CACNA2D1: variants seen among roughly 807,000 people sequenced by gnomAD.
CACNA2D1 encodes the protein calcium voltage-gated channel auxiliary subunit alpha2delta 1, also known as voltage-dependent calcium channel subunit alpha-2/delta-1.
In CACNA2D1, 53 loss-of-function variants were observed where a neutral mutation model predicts 171.5. The ratio of observed to expected loss-of-function variants is 0.31; its 90% CI spans 0.25 to 0.39. The LOEUF is 0.39. CACNA2D1 is among the 10% of genes least tolerant of loss of function. CACNA2D1 has a pLI of 1.00. For missense variants in CACNA2D1, 903 were observed against 1,299.8 expected, an observed-to-expected ratio of 0.69 and a Z score of 4.69; for synonymous variants, 442 against 443.1, an observed-to-expected ratio of 1.00 and a Z score of 0.03.
chr7:82,044,145 A>T (rs1804270610), intron 10 of CACNA2D1, among the ~76,000 whole-genome samples: 1 of 152,074 alleles, frequency 6.6e-6, no homozygotes, highest in African/African-American at 2.4e-5. Flanking sequence ...TTGGCCTCCC[A>T]AGCAGCTGGA....
chr7:82,105,945 ATGATACTC>A (rs1370328172), intron 6 of CACNA2D1, among the ~76,000 whole-genome samples: 2 of 152,190 alleles, frequency 1.3e-5, no homozygotes, highest in Non-Finnish European at 2.9e-5. Context: ...GTACTATTTT[ATGATACTC>A]TATAACTCAG....
intron 3 of CACNA2D1, among the ~76,000 whole-genome samples, chr7:82,189,955 C>T (rs574388370): frequency 3.3e-5 from 5 of 151,820 alleles, no homozygotes; most frequent in Non-Finnish European, 5.9e-5. Context: ...GAGCCACAAA[C>T]GTTATTATGC....
At chr7:82,106,872 T>C (rs1353995663) in intron 6 of CACNA2D1, among the ~76,000 whole-genome samples, 2 of 152,160 alleles carry the variant, frequency 1.3e-5, no homozygotes, top group Admixed American at 1.3e-4. Flanking sequence ...CATGTGGGCA[T>C]TGTTCTCCTA....
intron 3 of CACNA2D1, among the ~76,000 whole-genome samples, chr7:82,329,015 A>G (rs886286969): frequency 6.6e-6 from 1 of 151,932 alleles, no homozygotes; most frequent in African/African-American, 2.4e-5. Flanking sequence ...TTCTTTCCAC[A>G]TTTTTTAGTT....
chr7:82,081,992 GCGGAAACGT>G (rs1809838327), intron 7 of CACNA2D1, among the ~76,000 whole-genome samples: 1 of 152,194 alleles, frequency 6.6e-6, no homozygotes, highest in African/African-American at 2.4e-5. Context: ...CACCTCAAAT[GCGGAAACGT>G]GGTGGCACCC....
At chr7:82,085,032 T>A (rs1584689036) in intron 6 of CACNA2D1, 132 bp from the exon 7 acceptor site, 1 of 834,238 alleles carries the variant, frequency 1.2e-6, no homozygotes, top group East Asian at 2.7e-5. Flanking sequence ...CCAGTAGTTA[T>A]CAACAAGTTT....
At chr7:82,124,021 A>G (rs754421365) in intron 5 of CACNA2D1, among the ~76,000 whole-genome samples, 5 of 152,106 alleles carry the variant, frequency 3.3e-5, no homozygotes, top group African/African-American at 4.8e-5. Flanking sequence ...TAAACCATTT[A>G]TTTTAGAAGC....
At chr7:82,111,434 A>ATGTGTGTG (rs1360734073) in intron 6 of CACNA2D1, among the ~76,000 whole-genome samples, 1 of 97,928 alleles carries the variant, frequency 1.0e-5, no homozygotes, top group African/African-American at 4.2e-5. Context: ...GTGTGTATAT[A>ATGTGTGTG]TATATATATA....
intron 3 of CACNA2D1, among the ~76,000 whole-genome samples, chr7:82,179,674 A>G (rs1484428339): frequency 1.3e-5 from 2 of 152,160 alleles, no homozygotes; most frequent in Non-Finnish European, 2.9e-5. Context: ...ATAATATAGT[A>G]AAAACAGCTC....
intron 1 of CACNA2D1, among the ~76,000 whole-genome samples, chr7:82,431,323 T>A (rs6467898): frequency 0.66 from 99,657 of 152,078 alleles, 33,708 homozygotes; most frequent in African/African-American, 0.82. Context: ...AAAAACCACA[T>A]AAGGCACACA....
chr7:82,326,565 C>T (rs1386341325), intron 3 of CACNA2D1, among the ~76,000 whole-genome samples: 2 of 152,302 alleles, frequency 1.3e-5, no homozygotes, highest in Admixed American at 6.5e-5. Context: ...CCATAGCAGA[C>T]AGTCAGTAAA....
chr7:82,124,616 A>G (rs1790126559), intron 5 of CACNA2D1, among the ~76,000 whole-genome samples: 1 of 152,124 alleles, frequency 6.6e-6, no homozygotes, highest in Admixed American at 6.5e-5. Flanking sequence ...AAACCTCTAG[A>G]GTGTATTTAA....
intron 3 of CACNA2D1, among the ~76,000 whole-genome samples, chr7:82,229,195 G>T (rs1802651054): frequency 6.6e-6 from 1 of 152,062 alleles, no homozygotes; most frequent in Non-Finnish European, 1.5e-5. Flanking sequence ...TTCTTACAGT[G>T]TAACTCCTTT....
intron 12 of CACNA2D1, among the ~76,000 whole-genome samples, chr7:82,016,709 T>G (rs971537091): frequency 6.6e-6 from 1 of 150,830 alleles, no homozygotes; most frequent in Non-Finnish European, 1.5e-5. Flanking sequence ...CCTCAGAGGT[T>G]GTCAAAATTA....
chr7:82,097,215 G>A lies in CACNA2D1; in HGVS notation c.527-12315C>T, dbSNP rs368805407. Among the ~76,000 whole-genome samples, 1,307 of 152,236 alleles carry A rather than the reference G, an allele frequency of 8.6e-3. 24 individuals are homozygous for A. Among genetic ancestry groups the A allele is most frequent in the African/African-American group, 0.03 (1,246 of 41,526 alleles). On this transcript the variant is annotated intron_variant, in intron 6 of 38. Coordinates refer to ENST00000356860, the MANE Select transcript of CACNA2D1 (RefSeq NM_000722.4). ...CAGCTGAATGGATGAGGAATGTGGG[G>A]CAATTGCAGGGATGTTATTAGAGAG...
intron 2 of CACNA2D1, among the ~76,000 whole-genome samples, chr7:82,339,677 T>C (rs1049845551): frequency 2.6e-5 from 4 of 152,232 alleles, no homozygotes; most frequent in Admixed American, 1.3e-4. Context: ...TTGGATGAAA[T>C]AGCATGGATC....
chr7:82,392,962 G>C (rs1166839103), intron 1 of CACNA2D1, among the ~76,000 whole-genome samples: 1 of 150,732 alleles, frequency 6.6e-6, no homozygotes, highest in African/African-American at 2.5e-5. Context: ...TTTGCACACA[G>C]GTTATAGGTA....
At chr7:82,178,410 G>T (rs1420224118) in intron 3 of CACNA2D1, among the ~76,000 whole-genome samples, 1 of 151,912 alleles carries the variant, frequency 6.6e-6, no homozygotes, top group Admixed American at 6.6e-5. Flanking sequence ...CCTTCTTTTG[G>T]GTCTACAGCG....
Position 82,393,106 on chromosome 7 carries a change from GCA to G in CACNA2D1, c.96-43459_96-43458del, listed in dbSNP as rs1491328182. Among the ~76,000 whole-genome samples, 67 of 139,744 alleles carry G rather than the reference GCA, an allele frequency of 4.8e-4. 1 individual carries two copies. Among genetic ancestry groups the G allele is most frequent in the South Asian group, 1.4e-3 (6 of 4,246 alleles). The allele number at this position is 139,744 out of a possible 152,430, so 91.7% of individuals were successfully genotyped here. ...GGAAGGCAGGCAGGCAGGCAGGCAG[GCA>G]GGCAGGGAGGGAGGGAGGGAGGCAG... On this transcript the variant is annotated intron_variant, in intron 1 of 38. Transcript: ENST00000356860.
Sources: gnomAD v4.1 joint callset for allele counts (sites outside exome capture counted in the v4.1 genomes callset) on GRCh38, gnomAD v4.1.1 for gene constraint, MANE v1.5 for transcripts, NCBI Gene and HGNC (gene_info 2026-07-23, HGNC 2026-07-21) for gene names.